Variants in SYNE1 observed in about 807,000 individuals in gnomAD.
SYNE1 encodes the protein nesprin-1.
A neutral mutation model predicts 1,111.0 loss-of-function variants in SYNE1; 616 were observed. The observed-to-expected ratio is 0.55, with a 90% CI of 0.52 to 0.59. The LOEUF is 0.59. Ranked by LOEUF, SYNE1 falls within the 20% of genes least tolerant of loss-of-function variation. The pLI is 0.00. For synonymous variants in SYNE1, 3,855 were observed against 3,825.8 expected (o/e 1.01, Z -0.28); for missense variants, 10,006 against 10,417.0 (o/e 0.96, Z 1.72).
chr6:152,132,271 C>G (rs1020925218), intron 143 of SYNE1, 57 bp from the exon 144 acceptor site: 25 of 1,423,654 alleles, frequency 1.8e-5, no homozygotes, highest in Middle Eastern at 3.5e-4. Flanking sequence ...TGGGGGCCCT[C>G]TGTTGCACCA....
intron 104 of SYNE1, among the ~76,000 whole-genome samples, chr6:152,250,350 G>A (rs1042267835): frequency 1.4e-4 from 21 of 152,016 alleles, no homozygotes; most frequent in Admixed American, 8.5e-4. Context: ...ATTTGTCAGA[G>A]GTTAAAGCTC....
At chr6:152,310,969 G>T in intron 87 of SYNE1, 96 bp from the exon 88 acceptor site, 1 of 1,276,952 alleles carries the variant, frequency 7.8e-7, no homozygotes, top group Non-Finnish European at 1.1e-6. Flanking sequence ...TGTAAGTTCT[G>T]TGTGTCCGTT....
chr6:152,125,444 G>A (rs1161881769), intron 145 of SYNE1: 2 of 1,428,130 alleles, frequency 1.4e-6, no homozygotes, highest in East Asian at 5.0e-5. Flanking sequence ...CATGACCATG[G>A]GCAAGTAAAT....
At position 152,330,962 on chromosome 6, in the gene SYNE1, A is replaced by G. The variant is rs2096234180; in HGVS notation, c.13723T>C (p.Cys4575Arg). 2 of 1,614,074 alleles carry G rather than the reference A, an allele frequency of 1.2e-6. No homozygotes were observed. The highest frequency in any genetic ancestry group is 1.7e-6 in the Non-Finnish European group (2 of 1,180,050). ...ATATCTGCTTGTTTTAGCCAGTGGC[A>G]AGCTTTATCAAAATCTTCCTTAAAA... The part of the protein sequence containing the change: ...KHFKEDFDKA[C>R]HWLKQADIVT... Residue 4575 changes from cysteine (C) to arginine (R), a missense_variant, in exon 78 of 146, where the codon TGC becomes CGC. Transcript: ENST00000367255.
intron 13 of SYNE1, 115 bp downstream of exon 13, chr6:152,484,720 G>T: frequency 8.9e-7 from 1 of 1,123,962 alleles, no homozygotes; most frequent in Non-Finnish European, 1.3e-6. Flanking sequence ...AGTCTTTCTA[G>T]CCTCAGACAG....
chr6:152,365,615 A>G (rs1591201842), intron 62 of SYNE1, among the ~76,000 whole-genome samples: 1 of 149,732 alleles, frequency 6.7e-6, no homozygotes, highest in Non-Finnish European at 1.5e-5. Context: ...ATATGCTGCC[A>G]TGGCCAGCTA....
At chr6:152,459,800 T>G (rs1422973362) in intron 21 of SYNE1, among the ~76,000 whole-genome samples, 1 of 152,208 alleles carries the variant, frequency 6.6e-6, no homozygotes, top group Non-Finnish European at 1.5e-5. Flanking sequence ...AAGACAATAA[T>G]GTTCTAACCA....
At chr6:152,240,408 G>T (rs746299847) in intron 107 of SYNE1, among the ~76,000 whole-genome samples, 2 of 152,192 alleles carry the variant, frequency 1.3e-5, no homozygotes, top group Non-Finnish European at 2.9e-5. Context: ...ATGTTGTCAA[G>T]CACAGCTTTA....
chr6:152,479,026 G>A (rs2098857495), intron 14 of SYNE1, among the ~76,000 whole-genome samples: 1 of 152,166 alleles, frequency 6.6e-6, no homozygotes, highest in Admixed American at 6.5e-5. Context: ...GTGAAAAGGT[G>A]GTAGGGTAAC....
rs971105338 is a variant in SYNE1, at chr6:152,425,553, A to G, written c.5101-6T>C. 1.2e-6 allele frequency: 2 copies of G among 1,614,170 alleles called. No homozygotes were observed. Among genetic ancestry groups the G allele is most frequent in the African/African-American group, 2.7e-5 (2 of 75,074 alleles). ...ACAACTTCATTTTGCAGTGCCTGAA[A>G]AATACAAGACATTACGGATCTCATC... On this transcript the variant is annotated splice_polypyrimidine_tract_variant and splice_region_variant and intron_variant, in intron 38 of 145. Transcript: ENST00000367255.
intron 3 of SYNE1, among the ~76,000 whole-genome samples, chr6:152,579,508 CTT>C (rs554283167): frequency 9.9e-5 from 15 of 152,054 alleles, no homozygotes; most frequent in Non-Finnish European, 2.1e-4. Context: ...TATTGTGTCA[CTT>C]TTTTTTCTTT....
chr6:152,329,740 C>G lies in SYNE1; in HGVS notation c.14945G>C (p.Arg4982Pro). Residue 4982 changes from arginine (R) to proline (P), a missense_variant, in exon 78 of 146, where the codon CGC (arginine) becomes CCC (proline). This residue lies in a region of SYNE1 where 4,955 missense variants were observed against 5,017.2 expected (regional missense o/e 0.99). Coordinates refer to ENST00000367255, the MANE Select transcript of SYNE1 (RefSeq NM_182961.4). ...TCCTATTATACCCACCTGTCTGGTG[C>G]GTAAGGCTTCCTGGATGTCTCCATC... The part of the protein sequence containing the change: ...ELDGDIQEAL[R>P]TRQATLTEIY... 1 of 1,614,156 alleles carries G rather than the reference C, an allele frequency of 6.2e-7. No homozygotes were observed. The highest frequency in any genetic ancestry group is 8.5e-7 in the Non-Finnish European group (1 of 1,180,030).
At position 152,425,521 on chromosome 6, in the gene SYNE1, C is replaced by T. The variant is rs1203816828; in HGVS notation, c.5127G>A (p.Gln1709=). The T allele has an allele frequency of 1.9e-6, 3 of 1,614,148 alleles. No individual in the cohort carries two copies. The highest frequency in any genetic ancestry group is 2.5e-6 in the Non-Finnish European group (3 of 1,180,022). ...IQALQNEVVS[Q]ASFYSKLLQL... is the part of the protein sequence containing the mutation. ...GCAAAAGTTTGCTATAGAATGAGGC[C>T]TGGGATACAACTTCATTTTGCAGTG... Residue 1709 remains glutamine (Q), a synonymous_variant, in exon 39 of 146, where the codon CAG becomes CAA. Transcript: ENST00000367255.
rs568744294 is a variant in SYNE1 at position 152,520,856 on chromosome 6, T to C, written c.226-314A>G. ...GTTAGACACGACACAGTCTCATCAT[T>C]GGTCTGTGCACAGCCCATTTATTTA... On this transcript the variant is annotated intron_variant, in intron 5 of 145. Coordinates refer to ENST00000367255, the MANE Select transcript of SYNE1 (RefSeq NM_182961.4). Among the ~76,000 whole-genome samples, 291 of 152,316 alleles carry C rather than the reference T, an allele frequency of 1.9e-3. 2 individuals carry two copies. The highest frequency in any genetic ancestry group is 6.6e-3 in the African/African-American group (276 of 41,578).
chr6:152,463,571 T>C, intron 18 of SYNE1, 54 bp from the exon 19 acceptor site: 1 of 1,460,682 alleles, frequency 6.8e-7, no homozygotes. Flanking sequence ...TATCAGTGAC[T>C]GATATGAAAG....
chr6:152,371,845 CAGGAAAGGAAAGGAAAGGAAAGGAA>C (rs71017534), intron 59 of SYNE1, among the ~76,000 whole-genome samples: 1,679 of 59,134 alleles, frequency 0.028, 70 homozygotes, highest in East Asian at 0.11. Context: ...CAGGACAGGA[CAGGAAAGGAAAGGAAAGGAAAGGAA>C]AGGAAAGGAA....
At chr6:152,604,496 G>T (rs2099605956) in intron 3 of SYNE1, among the ~76,000 whole-genome samples, 1 of 151,952 alleles carries the variant, frequency 6.6e-6, no homozygotes, top group Non-Finnish European at 1.5e-5. Flanking sequence ...TAGCGATAAG[G>T]TTTTGCCATG....
At position 152,450,631 on chromosome 6, in the gene SYNE1, G is replaced by C; in HGVS notation, c.3389C>G (p.Thr1130Ser). The change falls in exon 27 of 146, where the codon ACT becomes AGT. Residue 1130 changes from threonine to serine, a missense_variant. Physicochemically the swap from Thr to Ser is moderately conservative, Grantham distance 58. Coordinates refer to ENST00000367255, the MANE Select transcript of SYNE1 (RefSeq NM_182961.4). ...MEDPDKWKDY[T>S]SRFSEFSSWI... ...GAGGCCATTCTGAGGCTACCTGCTAGTGTAGTCCTTCCACTTGTCTGGGTC... is the reference window on the plus strand; with the variant it reads ...GAGGCCATTCTGAGGCTACCTGCTACTGTAGTCCTTCCACTTGTCTGGGTC... 6.2e-7 allele frequency: 1 copy of C among 1,614,010 alleles called. No homozygotes were observed.
chr6:152,615,989 A>T (rs1340304677), intron 3 of SYNE1, among the ~76,000 whole-genome samples: 1 of 152,358 alleles, frequency 6.6e-6, no homozygotes, highest in East Asian at 1.9e-4. Flanking sequence ...AAGACATATA[A>T]TTAGCATGAA....
Sources: gnomAD v4.1 joint callset for allele counts (sites outside exome capture counted in the v4.1 genomes callset) on GRCh38, gnomAD v4.1.1 for gene constraint, gnomAD v4.1.1 regional missense constraint, MANE v1.5 for transcripts, NCBI Gene and HGNC (gene_info 2026-07-23, HGNC 2026-07-21) for gene names.